The following PDE3A variants were observed in gnomAD, a reference collection of about 807,000 sequenced individuals.
PDE3A encodes cGMP-inhibited 3',5'-cyclic phosphodiesterase 3A.
A neutral mutation model predicts 98.3 loss-of-function variants in PDE3A; 43 were observed. The observed-to-expected ratio is 0.44, with a 90% CI of 0.34 to 0.56. PDE3A has a LOEUF of 0.56. PDE3A is among the 20% of genes least tolerant of loss of function. The pLI is 0.01. For missense variants in PDE3A, 1,427 were observed against 1,440.7 expected (o/e 0.99, Z 0.15); for synonymous variants, 663 against 567.9 (o/e 1.17, Z -2.38).
intron 13 of PDE3A, among the ~76,000 whole-genome samples, 159 bp downstream of exon 13, chr12:20,649,050 C>T (rs1480999940): frequency 2.6e-5 from 4 of 151,288 alleles, no homozygotes; most frequent in African/African-American, 9.7e-5. Context: ...CTCAACGTCC[C>T]GAGTAGCTGG....
chr12:20,639,901 T>C lies in PDE3A; in HGVS notation c.2195T>C (p.Ile732Thr). 1 of 1,579,370 alleles carries C rather than the reference T, an allele frequency of 6.3e-7. No homozygotes were observed. Among genetic ancestry groups the C allele is most frequent in the Non-Finnish European group, 8.7e-7 (1 of 1,149,152 alleles). ...CTCTTTGAAGCTTTTAAAATTCCAA[T>C]TAGGGAATTTATGAATTATTTTCAT... ...MGLFEAFKIP[I>T]REFMNYFHAL... The change falls in exon 10 of 16, where the codon ATT becomes ACT. Residue 732 changes from isoleucine (I) to threonine (T), a missense_variant. Ile to Thr is a moderately conservative substitution (Grantham distance 89). This residue lies in a region of PDE3A where 273 missense variants were observed against 420.3 expected (regional missense o/e 0.65). Transcript: ENST00000359062.
At chr12:20,376,496 C>T (rs1439762896) in intron 1 of PDE3A, among the ~76,000 whole-genome samples, 1 of 151,872 alleles carries the variant, frequency 6.6e-6, no homozygotes, top group African/African-American at 2.4e-5. Flanking sequence ...CTTGTTAATA[C>T]CAGGTAGCCT....
In PDE3A at chr12:20,506,233, C is replaced by G. The variant is rs78431695; in HGVS notation, c.961-50427C>G. Among the ~76,000 whole-genome samples the G allele has an allele frequency of 9.4e-3, 1,430 of 152,000 alleles. 25 individuals are homozygous for G. The highest frequency in any genetic ancestry group is 0.033 in the African/African-American group (1,355 of 41,478). ...CTCTGAGCTAACCTCACCTATAAAA[C>G]TGTAACCCATGTGAAAATTAACACT... On this transcript the variant is annotated intron_variant, in intron 1 of 15. Transcript: ENST00000359062.
intron 1 of PDE3A, among the ~76,000 whole-genome samples, chr12:20,497,694 G>T (rs1463083135): frequency 6.6e-6 from 1 of 152,088 alleles, no homozygotes; most frequent in Non-Finnish European, 1.5e-5. Flanking sequence ...AAAAGAGATG[G>T]AAAGAAGAGT....
chr12:20,678,460 G>A (rs1370148985), intron 15 of PDE3A, among the ~76,000 whole-genome samples: 1 of 152,106 alleles, frequency 6.6e-6, no homozygotes, highest in African/African-American at 2.4e-5. Flanking sequence ...TTTCTTAAAG[G>A]AGGTATGCTA....
chr12:20,668,161 C>G (rs912902901), intron 15 of PDE3A, among the ~76,000 whole-genome samples: 3 of 152,196 alleles, frequency 2.0e-5, no homozygotes, highest in African/African-American at 7.2e-5. Context: ...AACGGCGCAC[C>G]ATGAGATTAT....
intron 1 of PDE3A, among the ~76,000 whole-genome samples, chr12:20,555,257 G>A (rs971123391): frequency 1.4e-4 from 22 of 152,196 alleles, no homozygotes; most frequent in African/African-American, 2.4e-4. Flanking sequence ...CAGGAAATCC[G>A]CCCGCCTTGG....
In PDE3A at chr12:20,369,222, C is replaced by T; in HGVS notation, c.-63C>T. ...GTGTGTGTGTGTGTGCGCGCGCGCGCGTGGGTCGGGGCGGGGGCGTCGGGG... is the reference window on the plus strand; with the variant it reads ...GTGTGTGTGTGTGTGCGCGCGCGCGTGTGGGTCGGGGCGGGGGCGTCGGGG... On this transcript the variant is annotated 5_prime_UTR_variant, in exon 1 of 16. Coordinates refer to ENST00000359062, the MANE Select transcript of PDE3A (RefSeq NM_000921.5). 8.3e-7 allele frequency: 1 copy of T among 1,205,206 alleles called. No individual in the cohort carries two copies. The highest frequency in any genetic ancestry group is 1.1e-6 in the Non-Finnish European group (1 of 883,554). 74.7% of individuals were successfully genotyped at this position (1,205,206 alleles called of 1,614,324 possible). A position where few individuals can be genotyped will look rare whatever the true frequency, so the allele number is the denominator to read the frequency against.
At chr12:20,381,754 A>T (rs1029905304) in intron 1 of PDE3A, among the ~76,000 whole-genome samples, 2 of 151,946 alleles carry the variant, frequency 1.3e-5, no homozygotes, top group African/African-American at 4.8e-5. Context: ...ACCAGAATTG[A>T]TTAAAAATGT....
intron 1 of PDE3A, among the ~76,000 whole-genome samples, chr12:20,504,229 GTGTATC>G (rs1946074992): frequency 1.3e-5 from 2 of 151,434 alleles, no homozygotes; most frequent in Non-Finnish European, 2.9e-5. Flanking sequence ...AGATAAACAT[GTGTATC>G]TACATGTAAC....
At chr12:20,589,868 TAAA>T (rs11362815) in intron 2 of PDE3A, among the ~76,000 whole-genome samples, 16 of 112,366 alleles carry the variant, frequency 1.4e-4, no homozygotes, top group Admixed American at 2.9e-4. Context: ...GACTGCATCT[TAAA>T]AAAAAAAAAA....
chr12:20,641,975 T>A (rs1565459880), intron 10 of PDE3A, among the ~76,000 whole-genome samples: 1 of 152,124 alleles, frequency 6.6e-6, no homozygotes, highest in Admixed American at 6.5e-5. Flanking sequence ...GATTGTAAAT[T>A]AATATGAATA....
chr12:20,409,068 C>T (rs1040279800), intron 1 of PDE3A, among the ~76,000 whole-genome samples: 2 of 152,080 alleles, frequency 1.3e-5, no homozygotes, highest in Admixed American at 1.3e-4. Flanking sequence ...AAATCTGATC[C>T]AAACTATTGA....
rs11045230 is a variant in PDE3A at position 20,420,315 on chromosome 12, A to G, written c.960+50071A>G. ...GAAAACTGCAGTGTGACTCTTACCTATAAATCCGATCTCCACGCTCTAAAC... is the reference window on the plus strand; with the variant it reads ...GAAAACTGCAGTGTGACTCTTACCTGTAAATCCGATCTCCACGCTCTAAAC... On this transcript the variant is annotated intron_variant, in intron 1 of 15. Coordinates refer to ENST00000359062, the MANE Select transcript of PDE3A (RefSeq NM_000921.5). Among the ~76,000 whole-genome samples the G allele has an allele frequency of 4.2e-3, 640 of 152,264 alleles. 28 individuals carry two copies. In the East Asian group the frequency reaches 0.099, roughly 24 times the overall value.
chr12:20,524,350 A>G (rs529552721), intron 1 of PDE3A, among the ~76,000 whole-genome samples: 2 of 152,282 alleles, frequency 1.3e-5, no homozygotes, highest in African/African-American at 2.4e-5. Flanking sequence ...ACCACAGCCT[A>G]GAGTAGCCAT....
intron 2 of PDE3A, among the ~76,000 whole-genome samples, chr12:20,579,930 C>T (rs776563169): frequency 6.6e-6 from 1 of 152,000 alleles, no homozygotes; most frequent in African/African-American, 2.4e-5. Context: ...AGAAAAGTAC[C>T]AACTGAAAGG....
At chr12:20,547,077 ATCT>A (rs1194115147) in intron 1 of PDE3A, among the ~76,000 whole-genome samples, 4 of 151,960 alleles carry the variant, frequency 2.6e-5, no homozygotes, top group Non-Finnish European at 5.9e-5. Flanking sequence ...GAGCCTTTAC[ATCT>A]TCTATTTCCT....
In PDE3A at chr12:20,370,062, C is replaced by A. The variant is rs772459607; in HGVS notation, c.778C>A (p.Pro260Thr). The change falls in exon 1 of 16, where the codon CCG becomes ACG. Residue 260 changes from proline to threonine, a missense_variant. By Grantham distance (38) the Pro-to-Thr change is conservative. This residue lies in a region of PDE3A where 1,012 missense variants were observed against 886.5 expected (regional missense o/e 1.14). Transcript: ENST00000359062. ...LLARYVEQILPQSAEAAPREH... is the reference protein window; with the variant it reads ...LLARYVEQILTQSAEAAPREH... ...GGCCAGGTACGTGGAACAAATCTTGCCGCAGTCCGCGGAGGCGGCTCCAAG... is the reference window on the plus strand; with the variant it reads ...GGCCAGGTACGTGGAACAAATCTTGACGCAGTCCGCGGAGGCGGCTCCAAG... The A allele has an allele frequency of 3.1e-6, 5 of 1,612,516 alleles. No homozygotes were observed. Among genetic ancestry groups the A allele is most frequent in the Non-Finnish European group, 3.4e-6 (4 of 1,179,590 alleles).
At chr12:20,600,246 C>G (rs1454328480) in intron 2 of PDE3A, among the ~76,000 whole-genome samples, 2 of 152,166 alleles carry the variant, frequency 1.3e-5, no homozygotes, top group East Asian at 3.8e-4. Flanking sequence ...CCACTGGAAT[C>G]ATCCAATAAA....
Sources: allele counts gnomAD v4.1 joint callset (sites outside exome capture counted in the v4.1 genomes callset), GRCh38; gene constraint gnomAD v4.1.1; regional missense constraint gnomAD v4.1.1; transcripts MANE v1.5; gene names NCBI Gene and HGNC (gene_info 2026-07-23, HGNC 2026-07-21).